HS2ST1: variants seen among roughly 807,000 people sequenced by gnomAD.
HS2ST1 encodes 2-O-sulfotransferase.
A neutral mutation model predicts 42.9 loss-of-function variants in HS2ST1; 18 were observed. The observed-to-expected ratio is 0.42, with a 90% CI of 0.29 to 0.62. HS2ST1 has a LOEUF of 0.62. Among genes scored for constraint, HS2ST1 ranks in the 20% least tolerant of loss-of-function variants. The pLI, the probability that HS2ST1 is intolerant of heterozygous loss-of-function variation, is 0.21. For synonymous variants in HS2ST1, 146 were observed against 152.9 expected (o/e 0.95, Z 0.33); for missense variants, 334 against 433.8 (o/e 0.77, Z 2.04).
chr1:87,051,810 C>T (rs1650840167), intron 1 of HS2ST1, among the ~76,000 whole-genome samples: 1 of 151,890 alleles, frequency 6.6e-6, no homozygotes, highest in Admixed American at 6.6e-5. Context: ...AAGACAAATG[C>T]AAAGGAAGAC....
At chr1:87,024,143 GCT>G (rs1396525076) in intron 1 of HS2ST1, among the ~76,000 whole-genome samples, 1 of 152,130 alleles carries the variant, frequency 6.6e-6, no homozygotes, top group Non-Finnish European at 1.5e-5. Flanking sequence ...TGCAGAGATT[GCT>G]ATCAGGATTA....
At chr1:86,919,272 A>G (rs1401670555) in intron 1 of HS2ST1, among the ~76,000 whole-genome samples, 4 of 152,004 alleles carry the variant, frequency 2.6e-5, no homozygotes, top group Non-Finnish European at 4.4e-5. Context: ...CAAGTTTGCC[A>G]TTTGTTTCTT....
intron 1 of HS2ST1, among the ~76,000 whole-genome samples, chr1:86,944,874 T>A (rs182634366): frequency 1.8e-3 from 277 of 151,898 alleles, no homozygotes; most frequent in African/African-American, 6.3e-3. Context: ...ATGAAGCAAC[T>A]CCTGGGTATA....
intron 1 of HS2ST1, chr1:87,045,453 T>A (rs893239099): frequency 8.3e-7 from 1 of 1,203,656 alleles, no homozygotes; most frequent in Admixed American, 1.7e-5. Context: ...TTCACTACCT[T>A]GTCTCGTAAG....
intron 1 of HS2ST1, among the ~76,000 whole-genome samples, chr1:86,989,128 G>C (rs1648873488): frequency 1.3e-5 from 2 of 152,160 alleles, no homozygotes; most frequent in African/African-American, 4.8e-5. Flanking sequence ...TTATAAACAT[G>C]TTTCAAAATA....
chr1:87,034,544 T>G (rs976380452), intron 1 of HS2ST1, among the ~76,000 whole-genome samples: 3 of 152,180 alleles, frequency 2.0e-5, no homozygotes, highest in African/African-American at 7.2e-5. Context: ...GAACTACTTT[T>G]GAAAATGCAA....
intron 1 of HS2ST1, among the ~76,000 whole-genome samples, chr1:86,977,753 TAACTA>T (rs1648461447): frequency 6.6e-6 from 1 of 152,234 alleles, no homozygotes; most frequent in Non-Finnish European, 1.5e-5. Context: ...CTTTTATGGC[TAACTA>T]CTTGAGAGAA....
chr1:86,973,317 T>C (rs374548769), intron 1 of HS2ST1, among the ~76,000 whole-genome samples: 14 of 152,252 alleles, frequency 9.2e-5, no homozygotes, highest in African/African-American at 3.1e-4. Context: ...TAGATCAGTT[T>C]CCTTAAATTC....
chr1:86,953,126 T>A (rs975935342), intron 1 of HS2ST1, among the ~76,000 whole-genome samples: 1 of 152,212 alleles, frequency 6.6e-6, no homozygotes, highest in Non-Finnish European at 1.5e-5. Flanking sequence ...ACTTTTATAT[T>A]ATGAAGATGG....
At chr1:86,945,602 T>C (rs779148974) in intron 1 of HS2ST1, among the ~76,000 whole-genome samples, 86 of 152,312 alleles carry the variant, frequency 5.6e-4, no homozygotes, top group Admixed American at 9.8e-4. Flanking sequence ...TAGATTCTAT[T>C]CAAGAAGAAA....
intron 1 of HS2ST1, among the ~76,000 whole-genome samples, chr1:86,928,619 A>G (rs1660472083): frequency 6.6e-6 from 1 of 151,982 alleles, no homozygotes; most frequent in Non-Finnish European, 1.5e-5. Flanking sequence ...TGTTTCCTCT[A>G]TAGAAAGGCT....
intron 1 of HS2ST1, among the ~76,000 whole-genome samples, chr1:87,051,315 T>A (rs147344615): frequency 2.0e-5 from 3 of 152,294 alleles, no homozygotes; most frequent in African/African-American, 7.2e-5. Flanking sequence ...TTAATGGGGA[T>A]GAGGCAGAGT....
chr1:86,963,302 TGCGGCCTACC>T (rs1647906937), intron 1 of HS2ST1, among the ~76,000 whole-genome samples: 2 of 152,202 alleles, frequency 1.3e-5, no homozygotes, highest in Non-Finnish European at 2.9e-5. Context: ...CAGAGGATCC[TGCGGCCTACC>T]GCAGTGTTTG....
At chr1:86,996,679 A>G (rs1160835439) in intron 1 of HS2ST1, among the ~76,000 whole-genome samples, 1 of 152,170 alleles carries the variant, frequency 6.6e-6, no homozygotes, top group African/African-American at 2.4e-5. Context: ...AGAAACAGAC[A>G]ACTGAAGGAG....
Position 86,988,057 on chromosome 1 carries a change from C to T in HS2ST1, c.124+72897C>T, listed in dbSNP as rs1397297821. ...GTCTCTCTCACCTCAGCTCCATTTG[C>T]AGTGGGGATGAAGATCTGTGGGAAA... On this transcript the variant is annotated intron_variant, in intron 1 of 6. Transcript: ENST00000370550. 2.6e-5 allele frequency among the ~76,000 whole-genome samples: 4 copies of T among 152,190 alleles called. No individual in the cohort carries two copies. In the South Asian group the frequency reaches 6.2e-4, roughly 24 times the overall value.
rs191733086 is a variant in HS2ST1 at position 87,101,740 on chromosome 1, T to C, written c.687-1692T>C. On this transcript the variant is annotated intron_variant, in intron 5 of 6. Transcript: ENST00000370550. ...TTCAAATTCTTCCAACCGCTGCCCA[T>C]TACCCAGTTCCAAAGCCACTTTCCC... Among the ~76,000 whole-genome samples, 6 of 152,326 alleles carry C rather than the reference T, an allele frequency of 3.9e-5. No individual in the cohort carries two copies. In the East Asian group the frequency reaches 1.2e-3, roughly 29 times the overall value.
In HS2ST1 at chr1:87,092,542, A is replaced by G; in HGVS notation, c.461A>G (p.Lys154Arg). The G allele has an allele frequency of 2.0e-6, 3 of 1,537,252 alleles. No homozygotes were observed. The highest frequency in any genetic ancestry group is 2.6e-6 in the Non-Finnish European group (3 of 1,150,140). ...SYLDFAKFGV[K>R]KKPIYINVIR... The stretch of plus-strand genomic sequence containing the variant: ...TTGTTGTATTTCAGATTTGGTGTGA[A>G]GAAGAAACCAATTTACATTAATGTC... The change falls in exon 4 of 7, where the codon AAG becomes AGG. Residue 154 changes from lysine to arginine, a missense_variant. By Grantham distance (26) the Lys-to-Arg change is conservative (BLOSUM62 2). Transcript: ENST00000370550.
At position 87,103,532 on chromosome 1, in the gene HS2ST1, T is replaced by A; in HGVS notation, c.787T>A (p.Leu263Ile). The change falls in exon 6 of 7, where the codon TTA (leucine) becomes ATA (isoleucine). Residue 263 changes from leucine (L) to isoleucine (I), a missense_variant. Transcript: ENST00000370550. ...VTEELEDFIM[L>I]LEAALPRFFR... The stretch of plus-strand genomic sequence containing the variant: ...TGAAGAACTTGAAGATTTTATCATG[T>A]TATTGGAGGCAGCATTGCCCCGGTT... 2 of 1,612,582 alleles carry A rather than the reference T, an allele frequency of 1.2e-6. No individual in the cohort carries two copies. Among genetic ancestry groups the A allele is most frequent in the South Asian group, 2.2e-5 (2 of 90,652 alleles).
At chr1:86,998,593 G>A (rs1031410033) in intron 1 of HS2ST1, among the ~76,000 whole-genome samples, 1 of 152,082 alleles carries the variant, frequency 6.6e-6, no homozygotes, top group Admixed American at 6.5e-5. Flanking sequence ...TAATAAGGTA[G>A]ATTTTATTAT....
Sources: allele counts gnomAD v4.1 joint callset (sites outside exome capture counted in the v4.1 genomes callset), GRCh38; gene constraint gnomAD v4.1.1; transcripts MANE v1.5; gene names NCBI Gene and HGNC (gene_info 2026-07-23, HGNC 2026-07-21).